The following TANC1 variants were observed in gnomAD, a reference collection of about 807,000 sequenced individuals.
TANC1 encodes protein TANC1.
In TANC1, 77 loss-of-function variants were observed where a neutral mutation model predicts 149.7. That is an observed-to-expected ratio of 0.51 (90% CI 0.43 to 0.62). The LOEUF (loss-of-function observed/expected upper bound fraction) is 0.62. TANC1 is among the 20% of genes least tolerant of loss of function. The pLI is 0.00. For synonymous variants in TANC1, 854 were observed against 925.0 expected (o/e 0.92, Z 1.39); for missense variants, 1,985 against 2,321.8 (o/e 0.85, Z 2.98).
intron 2 of TANC1, among the ~76,000 whole-genome samples, chr2:159,046,146 C>T (rs2041021562): frequency 6.6e-6 from 1 of 151,742 alleles, no homozygotes; most frequent in Admixed American, 6.6e-5. Flanking sequence ...GCAGAGAATT[C>T]ACTAATTTTT....
chr2:159,082,536 A>G (rs2044383583), intron 3 of TANC1, among the ~76,000 whole-genome samples: 1 of 151,944 alleles, frequency 6.6e-6, no homozygotes, highest in African/African-American at 2.4e-5. Context: ...CATCTAGGAT[A>G]TTTTTGTTTC....
chr2:159,014,961 G>T (rs779737032), intron 2 of TANC1, among the ~76,000 whole-genome samples: 1 of 152,158 alleles, frequency 6.6e-6, no homozygotes. Context: ...TTTTCCACGC[G>T]CACAGTGCAA....
chr2:159,165,473 A>G (rs1354182358), intron 8 of TANC1, among the ~76,000 whole-genome samples: 2 of 152,226 alleles, frequency 1.3e-5, no homozygotes, highest in Admixed American at 6.5e-5. Flanking sequence ...GGCCTATTTC[A>G]TGATATCTGT....
At chr2:159,007,197 A>G (rs1426102540) in intron 2 of TANC1, among the ~76,000 whole-genome samples, 2 of 127,062 alleles carry the variant, frequency 1.6e-5, no homozygotes, top group East Asian at 2.3e-4. Context: ...CCCAGGCTAC[A>G]TTGCAATGGT....
chr2:159,106,319 C>CTTCA (rs2047179715), intron 4 of TANC1, among the ~76,000 whole-genome samples: 1 of 152,204 alleles, frequency 6.6e-6, no homozygotes, highest in African/African-American at 2.4e-5. Context: ...TGCCCTTACT[C>CTTCA]TTCACTCCCT....
chr2:159,188,590 A>G (rs1275736159), intron 16 of TANC1, among the ~76,000 whole-genome samples: 1 of 152,256 alleles, frequency 6.6e-6, no homozygotes, highest in Non-Finnish European at 1.5e-5. Context: ...GGAGAACAGG[A>G]GCTAGGTGTG....
chr2:158,978,301 G>A (rs2033926678), intron 1 of TANC1, among the ~76,000 whole-genome samples: 1 of 152,178 alleles, frequency 6.6e-6, no homozygotes. Flanking sequence ...GGAGCTCCAT[G>A]TACATGAAAG....
chr2:159,196,919 T>C (rs2057899565), intron 18 of TANC1, 126 bp downstream of exon 18: 1 of 828,672 alleles, frequency 1.2e-6, no homozygotes, highest in African/African-American at 1.7e-5. Context: ...CCACCTGCAG[T>C]AGAAGGTCTT....
intron 19 of TANC1, among the ~76,000 whole-genome samples, chr2:159,206,128 A>T (rs1038782579): frequency 6.6e-6 from 1 of 152,184 alleles, no homozygotes; most frequent in African/African-American, 2.4e-5. Flanking sequence ...GTAAGCCAGT[A>T]CCCTCAAGGG....
At chr2:159,193,565 G>T (rs763798300) in intron 16 of TANC1, among the ~76,000 whole-genome samples, 4 of 151,938 alleles carry the variant, frequency 2.6e-5, no homozygotes. Context: ...TCACTCTGTC[G>T]CCAGGCTGGA....
At chr2:159,195,659 G>T (rs1467698545) in intron 17 of TANC1, among the ~76,000 whole-genome samples, 2 of 152,130 alleles carry the variant, frequency 1.3e-5, no homozygotes, top group African/African-American at 4.8e-5. Context: ...ATAAACTTCA[G>T]TTCATGGAGA....
intron 2 of TANC1, among the ~76,000 whole-genome samples, chr2:159,038,971 G>T (rs931674107): frequency 6.6e-6 from 1 of 152,070 alleles, no homozygotes; most frequent in Admixed American, 6.5e-5. Flanking sequence ...CTGTGAATCC[G>T]TCTGGTCCTG....
rs1328518623 is a variant in TANC1, at chr2:159,025,170, C to CTT, written c.-16+23983_-16+23984dup. On this transcript the variant is annotated intron_variant, in intron 2 of 26. Coordinates refer to ENST00000263635, the MANE Select transcript of TANC1 (RefSeq NM_033394.3). ...TTTCTTTCTCTTTCTCTTTTTCTTTCTTTCTTTCTTTTTCTTTCTTTTCTT... is the reference window on the plus strand; with the variant it reads ...TTTCTTTCTCTTTCTCTTTTTCTTTCTTTTTCTTTCTTTTTCTTTCTTTTCTT... Among the ~76,000 whole-genome samples, 680 of 130,372 alleles carry CTT rather than the reference C, an allele frequency of 5.2e-3. 8 individuals carry two copies. Among genetic ancestry groups the CTT allele is most frequent in the African/African-American group, 0.014 (505 of 36,614 alleles). 85.5% of individuals were successfully genotyped at this position (130,372 alleles called of 152,430 possible). A position where few individuals can be genotyped will look rare whatever the true frequency, so the allele number is the denominator to read the frequency against.
intron 2 of TANC1, chr2:159,060,246 T>C (rs1337297916): frequency 1.6e-5 from 3 of 188,980 alleles, no homozygotes; most frequent in Non-Finnish European, 2.9e-5. Flanking sequence ...CACTTGTAAA[T>C]GTTGCTACTC....
intron 3 of TANC1, among the ~76,000 whole-genome samples, chr2:159,068,442 A>G (rs1468938968): frequency 6.6e-6 from 1 of 152,192 alleles, no homozygotes; most frequent in Non-Finnish European, 1.5e-5. Context: ...ATGTCTAAAA[A>G]CTTGAGTTCA....
chr2:159,138,295 G>A lies in TANC1; in HGVS notation c.364+1997G>A, dbSNP rs185694271. Among the ~76,000 whole-genome samples, 126 of 152,302 alleles carry A rather than the reference G, an allele frequency of 8.3e-4. 1 individual carries two copies. Among genetic ancestry groups the A allele is most frequent in the African/African-American group, 2.9e-3 (122 of 41,564 alleles). ...TGTCTCGGGAGCAGGTGTAGTTCAC[G>A]TCTGTGGGTGCATGGTCTTGCCTGA... is the stretch of plus-strand genomic sequence containing the variant. On this transcript the variant is annotated intron_variant, in intron 5 of 26. Transcript: ENST00000263635.
chr2:159,016,981 G>T (rs565590025), intron 2 of TANC1, among the ~76,000 whole-genome samples: 1 of 152,236 alleles, frequency 6.6e-6, no homozygotes, highest in Non-Finnish European at 1.5e-5. Context: ...TGACAGTTTT[G>T]CTTGAGGCTG....
At chr2:158,984,474 G>A (rs769890838) in intron 1 of TANC1, among the ~76,000 whole-genome samples, 5 of 152,190 alleles carry the variant, frequency 3.3e-5, no homozygotes, top group Non-Finnish European at 5.9e-5. Context: ...TACCATGAAG[G>A]TGGTAACTAT....
chr2:159,221,335 C>T (rs2059695235), intron 22 of TANC1, among the ~76,000 whole-genome samples: 1 of 152,142 alleles, frequency 6.6e-6, no homozygotes, highest in Admixed American at 6.5e-5. Flanking sequence ...GAGCCAAGAT[C>T]ATACCATTGC....
Sources: gnomAD v4.1 joint callset for allele counts (sites outside exome capture counted in the v4.1 genomes callset) on GRCh38, gnomAD v4.1.1 for gene constraint, MANE v1.5 for transcripts, NCBI Gene and HGNC (gene_info 2026-07-23, HGNC 2026-07-21) for gene names.